TMEM178B: variants seen among roughly 807,000 people sequenced by gnomAD.
TMEM178B encodes the protein transmembrane protein 178B.
In TMEM178B, 5 loss-of-function variants were observed where a neutral mutation model predicts 31.0. The ratio of observed to expected loss-of-function variants is 0.16; its 90% CI spans 0.08 to 0.34. TMEM178B has a LOEUF of 0.34. Ranked by LOEUF, TMEM178B falls within the 10% of genes least tolerant of loss-of-function variation. The pLI is 1.00. For missense variants in TMEM178B, 275 were observed against 400.3 expected, an observed-to-expected ratio of 0.69 and a Z score of 2.67; for synonymous variants, 164 against 164.0, an observed-to-expected ratio of 1.00 and a Z score of 0.00.
At chr7:141,180,059 G>A (rs1354501097) in intron 1 of TMEM178B, among the ~76,000 whole-genome samples, 1 of 152,134 alleles carries the variant, frequency 6.6e-6, no homozygotes, top group Non-Finnish European at 1.5e-5. Context: ...GATGTAAATG[G>A]CTGGTGGTCC....
intron 1 of TMEM178B, among the ~76,000 whole-genome samples, chr7:141,087,199 G>C (rs1017678315): frequency 2.0e-5 from 3 of 152,264 alleles, no homozygotes; most frequent in African/African-American, 7.2e-5. Flanking sequence ...GTTGACTTTT[G>C]TAAGTAGGAA....
At chr7:141,269,733 T>C (rs183361976) in intron 2 of TMEM178B, among the ~76,000 whole-genome samples, 579 of 152,308 alleles carry the variant, frequency 3.8e-3, no homozygotes, top group African/African-American at 5.4e-3. Flanking sequence ...GTCTTTTGAA[T>C]GGAGAGCAGT....
chr7:141,074,827 T>G lies in TMEM178B; in HGVS notation c.382+135T>G. The G allele has an allele frequency of 7.9e-7, 1 of 1,267,190 alleles. No homozygotes were observed. Among genetic ancestry groups the G allele is most frequent in the Non-Finnish European group, 1.1e-6 (1 of 949,072 alleles). The allele number at this position is 1,267,190 out of a possible 1,614,324, so 78.5% of individuals were successfully genotyped here. Reference sequence around the variant, plus strand: ...GGCGGTCCGGTTATCCAGGCCTGGCTGAGCCTCGGGGCCAGGACTTGCCTC... The same window carrying G: ...GGCGGTCCGGTTATCCAGGCCTGGCGGAGCCTCGGGGCCAGGACTTGCCTC... On this transcript the variant is annotated intron_variant, in intron 1 of 3. Coordinates refer to ENST00000565468, the MANE Select transcript of TMEM178B (RefSeq NM_001195278.2). This position sits in a 1 kb window ranked among gnomAD's most constrained non-coding sequence, Gnocchi z 5.1.
intron 2 of TMEM178B, among the ~76,000 whole-genome samples, chr7:141,322,557 CAAAG>C (rs1194710580): frequency 6.6e-6 from 1 of 152,010 alleles, no homozygotes; most frequent in Non-Finnish European, 1.5e-5. Context: ...ATCAAACAAA[CAAAG>C]AACACAAAGA....
chr7:141,258,946 C>T (rs543229601), intron 2 of TMEM178B, among the ~76,000 whole-genome samples: 1 of 152,168 alleles, frequency 6.6e-6, no homozygotes, highest in East Asian at 1.9e-4. Context: ...TGTGGACATT[C>T]TTCTGTTTTT....
chr7:141,120,134 G>A (rs949744237), intron 1 of TMEM178B, among the ~76,000 whole-genome samples: 1 of 152,226 alleles, frequency 6.6e-6, no homozygotes, highest in Non-Finnish European at 1.5e-5. Context: ...TATCAACAGT[G>A]CGTGCCATGT....
the TMEM178B span, among the ~76,000 whole-genome samples, chr7:141,490,072 A>G: frequency 6.6e-6 from 1 of 152,108 alleles, no homozygotes; most frequent in Non-Finnish European, 1.5e-5. Flanking sequence ...CTTAGTGAGG[A>G]GGGGCTCCTA....
intron 1 of TMEM178B, among the ~76,000 whole-genome samples, chr7:141,211,991 C>T (rs1020058768): frequency 4.6e-5 from 7 of 152,130 alleles, no homozygotes; most frequent in African/African-American, 7.2e-5. Context: ...TTTTGACAAT[C>T]GACTAGTAAA....
intron 2 of TMEM178B, among the ~76,000 whole-genome samples, chr7:141,305,026 A>G (rs943726945): frequency 7.9e-5 from 12 of 152,040 alleles, no homozygotes; most frequent in African/African-American, 2.7e-4. Flanking sequence ...CCTTCAATCT[A>G]TTTCCACTCC....
intron 2 of TMEM178B, among the ~76,000 whole-genome samples, chr7:141,424,406 C>A (rs1801276764): frequency 6.6e-6 from 1 of 152,176 alleles, no homozygotes; most frequent in Non-Finnish European, 1.5e-5. Flanking sequence ...CAAAGAGGAG[C>A]ATGGCAGGTC....
intron 2 of TMEM178B, among the ~76,000 whole-genome samples, chr7:141,394,503 G>A (rs1418645288): frequency 6.6e-6 from 1 of 152,184 alleles, no homozygotes; most frequent in Non-Finnish European, 1.5e-5. Context: ...CTGATCTATA[G>A]GATTGGGGCA....
intron 2 of TMEM178B, among the ~76,000 whole-genome samples, chr7:141,384,478 T>G (rs1800393113): frequency 6.6e-6 from 1 of 152,230 alleles, no homozygotes; most frequent in Non-Finnish European, 1.5e-5. Flanking sequence ...AGGGAATCCT[T>G]TCCCCATTTC....
intron 1 of TMEM178B, among the ~76,000 whole-genome samples, chr7:141,161,347 G>A (rs1047362270): frequency 3.3e-5 from 5 of 152,150 alleles, no homozygotes; most frequent in Non-Finnish European, 7.3e-5. Context: ...GAGCCACGGG[G>A]CTGCAGAAAG....
intron 2 of TMEM178B, among the ~76,000 whole-genome samples, chr7:141,223,614 G>A (rs11978917): frequency 0.32 from 47,748 of 151,542 alleles, 8,205 homozygotes; most frequent in Non-Finnish European, 0.4. Context: ...AGCCTTCCAC[G>A]TGCTGAGCTA....
chr7:141,132,528 G>T (rs1002100830), intron 1 of TMEM178B, among the ~76,000 whole-genome samples: 14 of 152,114 alleles, frequency 9.2e-5, no homozygotes, highest in African/African-American at 3.4e-4. Flanking sequence ...TTTGGTAATA[G>T]GGTCTGGAAA....
chr7:141,402,203 A>G (rs1800794209), intron 2 of TMEM178B, among the ~76,000 whole-genome samples: 1 of 152,184 alleles, frequency 6.6e-6, no homozygotes, highest in African/African-American at 2.4e-5. Context: ...GGCAATGGAC[A>G]CTATTCTAGT....
At position 141,471,781 on chromosome 7, in the gene TMEM178B, CGTGTGTGTGTGTGTGT is replaced by C. The variant is rs71948091; in HGVS notation, c.*1017_*1032del. Reference sequence around the variant, plus strand: ...AGATCCCTGGAGTGGTGTGTGTGTGCGTGTGTGTGTGTGTGTGTGTGTGTGTGTGTGTGTGTGGTGG... The same window carrying C: ...AGATCCCTGGAGTGGTGTGTGTGTGCGTGTGTGTGTGTGTGTGTGTGGTGG... On this transcript the variant is annotated 3_prime_UTR_variant, in exon 4 of 4. Coordinates refer to ENST00000565468, the MANE Select transcript of TMEM178B (RefSeq NM_001195278.2). This position sits in a 1 kb window ranked among gnomAD's most constrained non-coding sequence, Gnocchi z 4.1. 6,401 of 142,646 alleles carry C rather than the reference CGTGTGTGTGTGTGTGT, an allele frequency of 0.045. 421 individuals are homozygous for C. The highest frequency in any genetic ancestry group is 0.15 in the African/African-American group (5,774 of 38,346). 8.8% of individuals were successfully genotyped at this position (142,646 alleles called of 1,614,324 possible). A position where few individuals can be genotyped will look rare whatever the true frequency, so the allele number is the denominator to read the frequency against.
intron 2 of TMEM178B, chr7:141,429,680 TAA>T (rs886781697): frequency 3.3e-5 from 5 of 152,220 alleles, no homozygotes; most frequent in African/African-American, 1.2e-4. Context: ...GAAAAATACA[TAA>T]AGAGTAGCTG....
chr7:141,199,062 C>T (rs938013416), intron 1 of TMEM178B, among the ~76,000 whole-genome samples: 6 of 152,164 alleles, frequency 3.9e-5, no homozygotes, highest in Non-Finnish European at 8.8e-5. Flanking sequence ...GCCAAAAACA[C>T]GCAGGCAGGA....
Sources: allele counts gnomAD v4.1 joint callset (sites outside exome capture counted in the v4.1 genomes callset), GRCh38; gene constraint gnomAD v4.1.1; non-coding constraint Gnocchi (gnomAD v3.1); transcripts MANE v1.5; gene names NCBI Gene and HGNC (gene_info 2026-07-23, HGNC 2026-07-21).